Variants in EDNRB observed in about 807,000 individuals in gnomAD.
EDNRB encodes the protein endothelin receptor type B.
Under a neutral mutation model 46.4 loss-of-function variants are expected in EDNRB, and 18 were observed. The observed-to-expected ratio is 0.39, with a 90% confidence interval of 0.27 to 0.57. EDNRB has a LOEUF of 0.57. Among genes scored for constraint, EDNRB ranks in the 20% least tolerant of loss-of-function variants. EDNRB has a pLI of 0.61. For synonymous variants in EDNRB, 213 were observed against 204.9 expected (o/e 1.04, Z -0.34); for missense variants, 434 against 537.5 (o/e 0.81, Z 1.90).
intron 1 of EDNRB, chr13:77,940,006 A>ATAAATAAC (rs1880695947): frequency 6.6e-6 from 1 of 150,702 alleles, no homozygotes; most frequent in Non-Finnish European, 1.5e-5. Flanking sequence ...AAATAAATAA[A>ATAAATAAC]TAAATAAATA....
At chr13:77,936,770 T>C (rs1486738239) in intron 1 of EDNRB, among the ~76,000 whole-genome samples, 1 of 152,242 alleles carries the variant, frequency 6.6e-6, no homozygotes, top group African/African-American at 2.4e-5. Context: ...TGGCCAGATT[T>C]CTGGCACTTG....
chr13:77,924,088 G>A (rs1280996446), upstream of EDNRB, among the ~76,000 whole-genome samples: 1 of 152,166 alleles, frequency 6.6e-6, no homozygotes, highest in Non-Finnish European at 1.5e-5. Flanking sequence ...TTTACTGAGT[G>A]TTTATTTACT....
chr13:77,903,330 A>C lies in EDNRB; in HGVS notation c.627T>G (p.Ile209Met), dbSNP rs2137611425. Residue 209 changes from isoleucine (I) to methionine (M), a missense_variant, in exon 3 of 7, where the codon ATT (isoleucine) becomes ATG (methionine). Coordinates refer to ENST00000646607, the MANE Select transcript of EDNRB (RefSeq NM_001122659.3). ...RYRAVASWSRIKGIGVPKWTA... is the reference protein window; with the variant it reads ...RYRAVASWSRMKGIGVPKWTA... ...TCCATTTTGGAACCCCAATTCCTTTAATTCTACTCCAAGAAGCAACAGCTC... is the reference window on the plus strand; with the variant it reads ...TCCATTTTGGAACCCCAATTCCTTTCATTCTACTCCAAGAAGCAACAGCTC... The C allele has an allele frequency of 6.2e-7, 1 of 1,613,004 alleles. No individual in the cohort carries two copies. Among genetic ancestry groups the C allele is most frequent in the East Asian group, 2.2e-5 (1 of 44,826 alleles).
intron 1 of EDNRB, among the ~76,000 whole-genome samples, chr13:77,973,962 C>T (rs1176498154): frequency 1.3e-5 from 2 of 148,492 alleles, no homozygotes; most frequent in Non-Finnish European, 3.0e-5. Flanking sequence ...AAGATGATAA[C>T]CATTTTTTTC....
At chr13:77,908,412 C>G (rs1197189151) in intron 1 of EDNRB, among the ~76,000 whole-genome samples, 2 of 111,618 alleles carry the variant, frequency 1.8e-5, no homozygotes, top group Non-Finnish European at 3.6e-5. Context: ...TGGGGAAAAA[C>G]TATGAAGTTT....
At chr13:77,924,008 G>T (rs1007346207), upstream of EDNRB, among the ~76,000 whole-genome samples, 1 of 152,068 alleles carries the variant, frequency 6.6e-6, no homozygotes, top group African/African-American at 2.4e-5. Flanking sequence ...AAAAGTTTCC[G>T]ATTATGCTTT....
intron 1 of EDNRB, among the ~76,000 whole-genome samples, chr13:77,931,761 CAAA>C (rs1424831945): frequency 2.0e-5 from 2 of 97,772 alleles, no homozygotes; most frequent in African/African-American, 3.8e-5. Flanking sequence ...AAAAAAAAAA[CAAA>C]AAAAAAAAAA....
At chr13:77,939,262 C>G (rs1880664223) in intron 1 of EDNRB, 1 of 152,096 alleles carries the variant, frequency 6.6e-6, no homozygotes, top group African/African-American at 2.4e-5. Context: ...CAGGAACAGG[C>G]CATTTTCATT....
At chr13:77,956,719 G>A (rs1881251779) in intron 1 of EDNRB, among the ~76,000 whole-genome samples, 1 of 152,220 alleles carries the variant, frequency 6.6e-6, no homozygotes, top group Non-Finnish European at 1.5e-5. Flanking sequence ...GGCTATAAGA[G>A]AATATTAGTT....
At chr13:77,917,499 G>A (rs1268494711) in intron 1 of EDNRB, among the ~76,000 whole-genome samples, 1 of 152,116 alleles carries the variant, frequency 6.6e-6, no homozygotes, top group Non-Finnish European at 1.5e-5. Context: ...AAGTTAGTGG[G>A]CATATCAATC....
intron 1 of EDNRB, among the ~76,000 whole-genome samples, chr13:77,943,463 A>T (rs1202325851): frequency 3.9e-5 from 6 of 152,100 alleles, no homozygotes; most frequent in African/African-American, 1.4e-4. Context: ...AATGTCATGT[A>T]GCCTTACAAA....
chr13:77,914,056 T>C (rs918994779), intron 1 of EDNRB, among the ~76,000 whole-genome samples: 1 of 152,252 alleles, frequency 6.6e-6, no homozygotes, highest in Admixed American at 6.5e-5. Flanking sequence ...TACATCCATA[T>C]TGAGATATTA....
chr13:77,917,657 A>G (rs775025617), intron 1 of EDNRB, among the ~76,000 whole-genome samples: 2 of 152,174 alleles, frequency 1.3e-5, no homozygotes, highest in Non-Finnish European at 2.9e-5. Flanking sequence ...GCACTTAGGG[A>G]CTAGATCCTT....
upstream of EDNRB, chr13:77,918,937 C>CT: frequency 8.5e-7 from 1 of 1,175,066 alleles, no homozygotes; most frequent in Non-Finnish European, 1.1e-6. The surrounding 1 kb of genome is among the most constrained non-coding windows in gnomAD (Gnocchi z 4.5). Flanking sequence ...GCTCCGAACT[C>CT]TTTCACGTAA....
chr13:77,943,282 T>C (rs1276106586), intron 1 of EDNRB, among the ~76,000 whole-genome samples: 2 of 152,212 alleles, frequency 1.3e-5, no homozygotes, highest in Admixed American at 1.3e-4. Context: ...TGTTAAATGC[T>C]CACGTAGAGT....
chr13:77,965,732 A>G (rs1489011838), intron 1 of EDNRB, among the ~76,000 whole-genome samples: 3 of 152,222 alleles, frequency 2.0e-5, no homozygotes, highest in African/African-American at 7.2e-5. Flanking sequence ...TGGGCCTGAA[A>G]TCAGTACACA....
chr13:77,922,519 G>A (rs1880114335), upstream of EDNRB, among the ~76,000 whole-genome samples: 1 of 152,156 alleles, frequency 6.6e-6, no homozygotes, highest in Non-Finnish European at 1.5e-5. Context: ...GAGACAAGGT[G>A]TGCGAAAAAC....
At chr13:77,921,153 A>T (rs1366018821), upstream of EDNRB, among the ~76,000 whole-genome samples, 1 of 152,224 alleles carries the variant, frequency 6.6e-6, no homozygotes, top group Non-Finnish European at 1.5e-5. Context: ...TTTACAGGAC[A>T]GGGACTTGAA....
chr13:77,932,773 G>A (rs1346349848), intron 1 of EDNRB, among the ~76,000 whole-genome samples: 1 of 152,204 alleles, frequency 6.6e-6, no homozygotes, highest in African/African-American at 2.4e-5. Flanking sequence ...ATTGGTGTTT[G>A]CCAAAGCCGT....
Sources: gnomAD v4.1 joint callset for allele counts (sites outside exome capture counted in the v4.1 genomes callset) on GRCh38, gnomAD v4.1.1 for gene constraint, Gnocchi (gnomAD v3.1) non-coding constraint, MANE v1.5 for transcripts, NCBI Gene and HGNC (gene_info 2026-07-23, HGNC 2026-07-21) for gene names.